The following SI variants were observed in gnomAD, a reference collection of about 807,000 sequenced individuals.
SI encodes sucrase-isomaltase, intestinal.
SI carries 235 observed loss-of-function variants against 253.3 expected under a neutral mutation model. The ratio of observed to expected loss-of-function variants is 0.93; its 90% CI spans 0.83 to 1.03. The LOEUF (loss-of-function observed/expected upper bound fraction) is 1.03, where lower values mean the gene tolerates loss of function less well. SI is among the 50% of genes least tolerant of loss of function. The pLI, the probability that SI is intolerant of heterozygous loss-of-function variation, is 0.00. For missense variants in SI, 2,442 were observed against 2,211.1 expected (o/e 1.10, Z -2.09); for synonymous variants, 819 against 712.0 (o/e 1.15, Z -2.39).
At chr3:164,985,203 A>T (rs1717382624) in intron 45 of SI, among the ~76,000 whole-genome samples, 1 of 152,142 alleles carries the variant, frequency 6.6e-6, no homozygotes, top group Non-Finnish European at 1.5e-5. Flanking sequence ...AGCTGGAGAA[A>T]ATTCTAAGAG....
At chr3:165,066,602 T>C (rs1179024022) in intron 6 of SI, among the ~76,000 whole-genome samples, 1 of 151,924 alleles carries the variant, frequency 6.6e-6, no homozygotes, top group Non-Finnish European at 1.5e-5. Context: ...TCCCAGCCTC[T>C]GGAAACCATA....
intron 25 of SI, among the ~76,000 whole-genome samples, chr3:165,028,513 G>A (rs1454539931): frequency 1.3e-5 from 2 of 150,102 alleles, no homozygotes; most frequent in African/African-American, 2.5e-5. Flanking sequence ...CAAATCTGGA[G>A]GCATCATATT....
upstream of SI, among the ~76,000 whole-genome samples, chr3:165,079,361 T>C (rs2108124904): frequency 6.6e-6 from 1 of 151,806 alleles, no homozygotes; most frequent in African/African-American, 2.4e-5. Context: ...TTGCATACCA[T>C]CTGGATACTA....
intron 13 of SI, among the ~76,000 whole-genome samples, chr3:165,051,095 A>G (rs931246407): frequency 6.6e-6 from 1 of 152,120 alleles, no homozygotes; most frequent in Non-Finnish European, 1.5e-5. Flanking sequence ...TCATAAAATT[A>G]TAACTATAAC....
upstream of SI, among the ~76,000 whole-genome samples, chr3:165,081,294 C>T (rs1336302110): frequency 1.3e-5 from 2 of 151,848 alleles, no homozygotes; most frequent in African/African-American, 2.4e-5. Flanking sequence ...GCAAAATGAT[C>T]CCCAAATTGA....
intron 23 of SI, 117 bp downstream of exon 23, chr3:165,033,278 A>G: frequency 1.3e-6 from 1 of 761,466 alleles, no homozygotes; most frequent in Non-Finnish European, 1.9e-6. Flanking sequence ...ATTTCATTAC[A>G]TTCCATTAAA....
chr3:165,021,940 A>C (rs1229185064), intron 26 of SI, among the ~76,000 whole-genome samples: 4 of 151,580 alleles, frequency 2.6e-5, no homozygotes, highest in Admixed American at 2.0e-4. Flanking sequence ...ATTTATGTTA[A>C]ATTAAAAGCA....
At chr3:165,058,096 C>A (rs1175839116) in intron 12 of SI, among the ~76,000 whole-genome samples, 1 of 151,400 alleles carries the variant, frequency 6.6e-6, no homozygotes, top group Non-Finnish European at 1.5e-5. Context: ...TTTTCTTACA[C>A]CACAATGGAA....
At chr3:165,069,795 G>A (rs1286882585) in intron 3 of SI, among the ~76,000 whole-genome samples, 1 of 151,690 alleles carries the variant, frequency 6.6e-6, no homozygotes, top group African/African-American at 2.4e-5. Flanking sequence ...TATCTGAAGT[G>A]AAAGAAAAAT....
Position 165,017,852 on chromosome 3 carries a change from G to C in SI, c.3542C>G (p.Pro1181Arg), listed in dbSNP as rs992085415. Residue 1181 changes from proline to arginine, a missense_variant, in exon 30 of 48, where the codon CCT becomes CGT. Coordinates refer to ENST00000264382, the MANE Select transcript of SI (RefSeq NM_001041.4). ...TCCAACTGTACGGTAAGTTAGAGCAGGAGTTGGCTGGAATGTAACATCTGG... is the reference window on the plus strand; with the variant it reads ...TCCAACTGTACGGTAAGTTAGAGCACGAGTTGGCTGGAATGTAACATCTGG... ...NAMDVTFQPT[P>R]ALTYRTVGGI... The C allele has an allele frequency of 6.2e-7, 1 of 1,612,736 alleles. No homozygotes were observed. Among genetic ancestry groups the C allele is most frequent in the Non-Finnish European group, 8.5e-7 (1 of 1,179,116 alleles).
chr3:165,020,506 A>T (rs2108181595), intron 27 of SI, among the ~76,000 whole-genome samples: 1 of 151,780 alleles, frequency 6.6e-6, no homozygotes, highest in East Asian at 1.9e-4. Flanking sequence ...TTGCACCAGG[A>T]TATTTTTATA....
At chr3:164,995,426 C>A (rs1292966186) in intron 40 of SI, among the ~76,000 whole-genome samples, 5 of 151,790 alleles carry the variant, frequency 3.3e-5, no homozygotes, top group African/African-American at 1.2e-4. Flanking sequence ...CATGTTGATA[C>A]ACAAGCATCT....
intron 17 of SI, 142 bp downstream of exon 17, chr3:165,042,917 C>T (rs1274524514): frequency 2.9e-6 from 2 of 684,792 alleles, no homozygotes; most frequent in African/African-American, 3.6e-5. Flanking sequence ...ATGTATAGGA[C>T]TTGAGAGAGG....
intron 41 of SI, 66 bp from the exon 42 acceptor site, chr3:164,992,463 A>C (rs1370177820): frequency 1.9e-6 from 2 of 1,050,196 alleles, no homozygotes; most frequent in Non-Finnish European, 2.8e-6. Flanking sequence ...CCATAAAATC[A>C]TTATTCAAAT....
chr3:165,039,169 A>G, intron 19 of SI, 35 bp from the exon 20 acceptor site: 1 of 1,395,214 alleles, frequency 7.2e-7, no homozygotes, highest in Non-Finnish European at 1.0e-6. Context: ...TTTAATTTCA[A>G]TTTTTAACAA....
chr3:164,979,691 C>A (rs1438943775), intron 47 of SI, among the ~76,000 whole-genome samples: 1 of 151,670 alleles, frequency 6.6e-6, no homozygotes, highest in Non-Finnish European at 1.5e-5. Context: ...AAACTCTCAG[C>A]CAATTTTATT....
chr3:165,081,061 T>C (rs537046711), upstream of SI, among the ~76,000 whole-genome samples: 14 of 152,026 alleles, frequency 9.2e-5, no homozygotes, highest in African/African-American at 3.4e-4. Flanking sequence ...GTTCCAACAA[T>C]GAACCTCAAT....
At chr3:165,052,391 T>C (rs1292505932) in intron 13 of SI, among the ~76,000 whole-genome samples, 1 of 152,128 alleles carries the variant, frequency 6.6e-6, no homozygotes, top group Admixed American at 6.6e-5. Flanking sequence ...TCAAATCATC[T>C]TAAGTCTATT....
At chr3:165,028,905 A>G (rs1419439230) in intron 25 of SI, among the ~76,000 whole-genome samples, 4 of 151,588 alleles carry the variant, frequency 2.6e-5, no homozygotes, top group Middle Eastern at 3.4e-3. Context: ...CAAATCCAAT[A>G]AAAACAAAGA....
Sources: allele counts gnomAD v4.1 joint callset (sites outside exome capture counted in the v4.1 genomes callset), GRCh38; gene constraint gnomAD v4.1.1; transcripts MANE v1.5; gene names NCBI Gene and HGNC (gene_info 2026-07-23, HGNC 2026-07-21).